The following USP45 variants were observed in gnomAD, a reference collection of about 807,000 sequenced individuals.
USP45 encodes the protein ubiquitin carboxyl-terminal hydrolase 45.
In USP45, 89 loss-of-function variants were observed where a neutral mutation model predicts 95.8. That is an observed-to-expected ratio of 0.93 (90% confidence interval 0.78 to 1.11). USP45 has a LOEUF of 1.11. Among genes scored for constraint, USP45 ranks in the 50% least tolerant of loss-of-function variants. The pLI is 0.00. For missense variants in USP45, 898 were observed against 942.5 expected (o/e 0.95, Z 0.62); for synonymous variants, 281 against 316.2 (o/e 0.89, Z 1.18).
intron 5 of USP45, among the ~76,000 whole-genome samples, chr6:99,498,418 A>C (rs1796744523): frequency 6.6e-6 from 1 of 152,222 alleles, no homozygotes; most frequent in African/African-American, 2.4e-5. Flanking sequence ...CAGTCTTGAG[A>C]GAAAATAAGA....
rs192009805 is a variant in USP45 at position 99,473,903 on chromosome 6, G to A, written c.933+2240C>T. ...CAATCTAAGAAAGCTGACAGATAGG[G>A]ACATAAATCTAAATAGAAAGTGGTA... On this transcript the variant is annotated intron_variant, in intron 9 of 17. Transcript: ENST00000500704. Among the ~76,000 whole-genome samples the A allele has an allele frequency of 2.2e-3, 340 of 152,070 alleles. 1 individual carries two copies. Among genetic ancestry groups the A allele is most frequent in the Non-Finnish European group, 3.7e-3 (254 of 68,010 alleles).
At chr6:99,453,413 A>G (rs1033986078) in intron 13 of USP45, among the ~76,000 whole-genome samples, 1 of 152,140 alleles carries the variant, frequency 6.6e-6, no homozygotes, top group African/African-American at 2.4e-5. Context: ...TCCTGTTTAC[A>G]ATGGCTACAA....
At chr6:99,458,410 T>A (rs1785578235) in intron 13 of USP45, among the ~76,000 whole-genome samples, 1 of 152,196 alleles carries the variant, frequency 6.6e-6, no homozygotes, top group South Asian at 2.1e-4. Flanking sequence ...ACTAGGCACC[T>A]GAGACATAGT....
chr6:99,500,535 T>C (rs1797157279), intron 5 of USP45, among the ~76,000 whole-genome samples: 1 of 152,188 alleles, frequency 6.6e-6, no homozygotes, highest in Non-Finnish European at 1.5e-5. Context: ...GGCTTTGTAC[T>C]TAACCTTAGG....
In USP45 at chr6:99,500,487, T is replaced by C. The variant is rs145369003; in HGVS notation, c.478+3278A>G. 1.6e-4 allele frequency among the ~76,000 whole-genome samples: 25 copies of C among 152,288 alleles called. No individual in the cohort carries two copies. The East Asian group carries it at 4.8e-3, about 29-fold the overall frequency. ...TTCCTAGCATCTTTCTTATAATACTTATTCAAGAAATCAGTAAAATTGAAT... is the reference window on the plus strand; with the variant it reads ...TTCCTAGCATCTTTCTTATAATACTCATTCAAGAAATCAGTAAAATTGAAT... On this transcript the variant is annotated intron_variant, in intron 5 of 17. Coordinates refer to ENST00000500704, the MANE Select transcript of USP45 (RefSeq NM_001346022.3).
At chr6:99,486,390 C>T (rs986626807) in intron 7 of USP45, among the ~76,000 whole-genome samples, 3 of 152,082 alleles carry the variant, frequency 2.0e-5, no homozygotes, top group African/African-American at 4.8e-5. Flanking sequence ...TTAAACTCAA[C>T]ATCCAATCGC....
At chr6:99,484,004 GTTTTTTT>G (rs773687208) in intron 7 of USP45, among the ~76,000 whole-genome samples, 4 of 91,464 alleles carry the variant, frequency 4.4e-5, no homozygotes, top group Admixed American at 1.5e-4. Flanking sequence ...ATTTTCCATA[GTTTTTTT>G]TTTTTTTTTT....
upstream of USP45, among the ~76,000 whole-genome samples, chr6:99,517,843 T>C (rs1236745823): frequency 6.6e-6 from 1 of 151,840 alleles, no homozygotes; most frequent in Non-Finnish European, 1.5e-5. Flanking sequence ...CATCTTCCCC[T>C]CCTTCCCACA....
At chr6:99,497,805 T>A (rs1310946995) in intron 5 of USP45, among the ~76,000 whole-genome samples, 1 of 152,048 alleles carries the variant, frequency 6.6e-6, no homozygotes, top group African/African-American at 2.4e-5. Flanking sequence ...CCTCTCACCA[T>A]CTTCTACACC....
intron 1 of USP45, among the ~76,000 whole-genome samples, chr6:99,514,013 G>GT (rs1800529018): frequency 6.6e-6 from 1 of 151,964 alleles, no homozygotes; most frequent in East Asian, 1.9e-4. Context: ...ATATATCCTC[G>GT]TAAAAAAACG....
intron 4 of USP45, among the ~76,000 whole-genome samples, chr6:99,506,677 T>A (rs915656272): frequency 6.6e-6 from 1 of 152,148 alleles, no homozygotes; most frequent in Non-Finnish European, 1.5e-5. Flanking sequence ...ATAGTTTCCT[T>A]ACAGGTAACA....
At chr6:99,442,501 C>T (rs966370694) in intron 15 of USP45, among the ~76,000 whole-genome samples, 13 of 152,156 alleles carry the variant, frequency 8.5e-5, no homozygotes, top group Admixed American at 6.5e-5. Flanking sequence ...CTTGAGATTT[C>T]CTTCTTAAGG....
intron 13 of USP45, among the ~76,000 whole-genome samples, chr6:99,455,118 C>A (rs4840045): frequency 0.26 from 38,461 of 146,536 alleles, 5,533 homozygotes; most frequent in Middle Eastern, 0.35. Flanking sequence ...AACAAAAAAA[C>A]AAAACACAAC....
At chr6:99,446,497 C>T in intron 13 of USP45, 34 bp from the exon 14 acceptor site, 1 of 1,442,566 alleles carries the variant, frequency 6.9e-7, no homozygotes, top group Non-Finnish European at 9.4e-7. Flanking sequence ...AGAAAAGAGT[C>T]TTGTAACCTC....
intron 15 of USP45, among the ~76,000 whole-genome samples, chr6:99,442,438 A>C (rs1028515108): frequency 5.3e-5 from 8 of 152,244 alleles, no homozygotes; most frequent in Non-Finnish European, 1.0e-4. Context: ...CTCCTCTCGC[A>C]CATCTGGATC....
Position 99,488,020 on chromosome 6 carries a change from T to C in USP45, c.714+180A>G, listed in dbSNP as rs976957708. Among the ~76,000 whole-genome samples, 4 of 152,242 alleles carry C rather than the reference T, an allele frequency of 2.6e-5. No individual in the cohort carries two copies. In the South Asian group the frequency reaches 6.2e-4, roughly 24 times the overall value. On this transcript the variant is annotated intron_variant, in intron 7 of 17. Coordinates refer to ENST00000500704, the MANE Select transcript of USP45 (RefSeq NM_001346022.3). ...TCCATGGCATATTGGAACCATAACA[T>C]ACCTTAAAGTTATGATTTTAGAAAT... is the stretch of plus-strand genomic sequence containing the variant.
intron 13 of USP45, chr6:99,461,333 CATA>C (rs1786423257): frequency 3.0e-6 from 3 of 985,226 alleles, no homozygotes; most frequent in East Asian, 1.1e-4. Flanking sequence ...ATAGACTTCA[CATA>C]ATATCTTTTG....
chr6:99,505,393 T>C (rs1220015231), intron 4 of USP45, among the ~76,000 whole-genome samples: 1 of 152,094 alleles, frequency 6.6e-6, no homozygotes, highest in East Asian at 1.9e-4. Context: ...TGGCCGGGTG[T>C]AGTGGCTCAC....
intron 9 of USP45, among the ~76,000 whole-genome samples, chr6:99,473,795 C>CACACACACACACACACAA (rs1790096154): frequency 1.3e-5 from 2 of 151,336 alleles, no homozygotes; most frequent in African/African-American, 4.9e-5. Context: ...CACACACACA[C>CACACACACACACACACAA]ACACACAAAT....
Sources: gnomAD v4.1 joint callset for allele counts (sites outside exome capture counted in the v4.1 genomes callset) on GRCh38, gnomAD v4.1.1 for gene constraint, MANE v1.5 for transcripts, NCBI Gene and HGNC (gene_info 2026-07-23, HGNC 2026-07-21) for gene names.